FZD3: variants seen among roughly 807,000 people sequenced by gnomAD.
FZD3 encodes the protein frizzled class receptor 3.
In FZD3, 30 loss-of-function variants were observed where a neutral mutation model predicts 60.7. The observed-to-expected ratio is 0.49, with a 90% confidence interval of 0.37 to 0.67. The LOEUF (loss-of-function observed/expected upper bound fraction) is 0.67. FZD3 is among the 30% of genes least tolerant of loss of function. The pLI is 0.00. For missense variants in FZD3, 605 were observed against 838.7 expected (o/e 0.72, Z 3.44); for synonymous variants, 246 against 275.2 (o/e 0.89, Z 1.05).
intron 1 of FZD3, among the ~76,000 whole-genome samples, chr8:28,495,727 T>TA (rs111612160): frequency 3.3e-5 from 5 of 151,728 alleles, no homozygotes; most frequent in East Asian, 3.9e-4. Context: ...CCCACAAAGA[T>TA]AAAAAAAATT....
At chr8:28,524,839 C>T (rs1199928614) in intron 4 of FZD3, among the ~76,000 whole-genome samples, 1 of 152,162 alleles carries the variant, frequency 6.6e-6, no homozygotes, top group African/African-American at 2.4e-5. Flanking sequence ...GAAATCTGGC[C>T]TCGGTTTGTC....
chr8:28,513,633 G>A (rs1338205451), intron 3 of FZD3, among the ~76,000 whole-genome samples: 1 of 152,116 alleles, frequency 6.6e-6, no homozygotes, highest in Non-Finnish European at 1.5e-5. Flanking sequence ...TTTTTAAAAG[G>A]TGTCATTTTT....
Position 28,536,583 on chromosome 8 carries a change from C to T in FZD3, c.1404+8419C>T, listed in dbSNP as rs538866830. 4.6e-5 allele frequency among the ~76,000 whole-genome samples: 7 copies of T among 152,136 alleles called. No individual in the cohort carries two copies. The South Asian group carries it at 1.5e-3, about 32-fold the overall frequency. On this transcript the variant is annotated intron_variant, in intron 5 of 7. Transcript: ENST00000240093. ...ATTAGCCGGGCTGTGGTGGCACACG[C>T]CTATAATCCCAGCTACTCAGGAGGC...
At chr8:28,534,370 T>C (rs952757438) in intron 5 of FZD3, among the ~76,000 whole-genome samples, 3 of 152,302 alleles carry the variant, frequency 2.0e-5, no homozygotes, top group African/African-American at 7.2e-5. Context: ...CTTAGCAATA[T>C]GGTAAGACCC....
At chr8:28,549,693 G>A (rs1805368723) in intron 5 of FZD3, among the ~76,000 whole-genome samples, 1 of 152,026 alleles carries the variant, frequency 6.6e-6, no homozygotes, top group Non-Finnish European at 1.5e-5. Context: ...TAAGCATGAT[G>A]TTTGCTTTTG....
chr8:28,546,942 C>T (rs562039431), intron 5 of FZD3, among the ~76,000 whole-genome samples: 1 of 151,764 alleles, frequency 6.6e-6, no homozygotes, highest in Non-Finnish European at 1.5e-5. Flanking sequence ...TGCACTCCAG[C>T]CTGGGCGACA....
intron 2 of FZD3, among the ~76,000 whole-genome samples, chr8:28,502,149 G>T (rs1334365539): frequency 6.6e-6 from 1 of 152,082 alleles, no homozygotes; most frequent in Non-Finnish European, 1.5e-5. Context: ...AAGTTAAGTG[G>T]TATGTTTATA....
chr8:28,505,326 G>A (rs118063582), intron 3 of FZD3: 3,107 of 154,380 alleles, frequency 0.02, 63 homozygotes, highest in South Asian at 0.079. Flanking sequence ...CAGGCTTTAA[G>A]CCTGCCTAGA....
chr8:28,522,553 T>C, intron 4 of FZD3, among the ~76,000 whole-genome samples: 1 of 152,202 alleles, frequency 6.6e-6, no homozygotes, highest in East Asian at 1.9e-4. Flanking sequence ...AAAACAATTA[T>C]AAATTGCCTG....
At chr8:28,550,481 CTTTTTTTTTTTTTTT>C (rs386412443) in intron 5 of FZD3, among the ~76,000 whole-genome samples, 1 of 34,336 alleles carries the variant, frequency 2.9e-5, no homozygotes, top group Non-Finnish European at 4.7e-5. Flanking sequence ...CTTCTTTTAT[CTTTTTTTTTTTTTTT>C]TTTTTTTTTT....
intron 5 of FZD3, among the ~76,000 whole-genome samples, chr8:28,539,561 A>G (rs531662563): frequency 3.2e-4 from 49 of 152,310 alleles, no homozygotes; most frequent in Non-Finnish European, 6.3e-4. Flanking sequence ...AAAAGTGGGA[A>G]TCAGAAGACC....
At position 28,574,111 on chromosome 8, in the gene FZD3, A is replaced by T. The variant is rs1350872589; in HGVS notation, c.*11100A>T. 3 of 152,128 alleles carry T rather than the reference A, an allele frequency of 2.0e-5. No individual in the cohort carries two copies. The highest frequency in any genetic ancestry group is 4.4e-5 in the Non-Finnish European group (3 of 68,022). The allele number at this position is 152,128 out of a possible 1,614,324, so 9.4% of individuals were successfully genotyped here. On this transcript the variant is annotated 3_prime_UTR_variant, in exon 8 of 8. Transcript: ENST00000240093. ...TGTGCTTTGCACTCTGCTCTTGTAG[A>T]TTTATTTTGTTTACAGTAGACTGAT... is the stretch of plus-strand genomic sequence containing the variant.
At position 28,520,646 on chromosome 8, in the gene FZD3, C is replaced by T. The variant is rs1804553328; in HGVS notation, c.198C>T (p.His66=). 1 of 1,580,288 alleles carries T rather than the reference C, an allele frequency of 6.3e-7. No individual in the cohort carries two copies. The highest frequency in any genetic ancestry group is 8.6e-7 in the Non-Finnish European group (1 of 1,160,364). Residue 66 remains histidine (H), a synonymous_variant, in exon 4 of 8, where the codon CAC becomes CAT. Coordinates refer to ENST00000240093, the MANE Select transcript of FZD3 (RefSeq NM_017412.4). ...TTTTAACTTTTCCCTAGCCATTCCA[C>T]CCTATGGTGAATCTGGATTGTTCTC... is the stretch of plus-strand genomic sequence containing the variant. ...QTAALAMEPF[H]PMVNLDCSRD...
Position 28,569,813 on chromosome 8 carries a change from A to G in FZD3, c.*6802A>G, listed in dbSNP as rs967144550. 1.3e-5 allele frequency: 2 copies of G among 152,228 alleles called. No homozygotes were observed. Among genetic ancestry groups the G allele is most frequent in the Non-Finnish European group, 2.9e-5 (2 of 68,030 alleles). 9.4% of individuals were successfully genotyped at this position (152,228 alleles called of 1,614,324 possible). A position where few individuals can be genotyped will look rare whatever the true frequency, so the allele number is the denominator to read the frequency against. On this transcript the variant is annotated 3_prime_UTR_variant, in exon 8 of 8. Transcript: ENST00000240093. ...AAATTGATACATAGAAAAGAATGAC[A>G]TAACGTTTTGTGGTCTTTGTTCTCT...
chr8:28,515,572 G>A (rs1804403648), intron 3 of FZD3, among the ~76,000 whole-genome samples: 1 of 152,238 alleles, frequency 6.6e-6, no homozygotes, highest in African/African-American at 2.4e-5. Flanking sequence ...TGCATGTACA[G>A]TGTGTTTACT....
chr8:28,494,753 C>T (rs114354291), intron 1 of FZD3, among the ~76,000 whole-genome samples: 1 of 151,956 alleles, frequency 6.6e-6, no homozygotes, highest in East Asian at 1.9e-4. Context: ...AGACCCTGCG[C>T]GGCGGAGAGA....
chr8:28,521,752 C>A (rs967612574), intron 4 of FZD3, among the ~76,000 whole-genome samples: 1 of 152,156 alleles, frequency 6.6e-6, no homozygotes, highest in Non-Finnish European at 1.5e-5. Context: ...TACCTGTAAC[C>A]TGTAGGTCTA....
intron 1 of FZD3, among the ~76,000 whole-genome samples, chr8:28,496,399 T>C (rs1449186597): frequency 6.6e-6 from 1 of 152,212 alleles, no homozygotes; most frequent in Non-Finnish European, 1.5e-5. Flanking sequence ...ACCACTTCTT[T>C]GAGCGGTTTT....
chr8:28,494,683 C>T (rs1424049204), intron 1 of FZD3, among the ~76,000 whole-genome samples: 2 of 152,052 alleles, frequency 1.3e-5, no homozygotes, highest in African/African-American at 4.8e-5. Context: ...CCGCCCTGAG[C>T]CCGCGGCTCG....
Sources: allele counts gnomAD v4.1 joint callset (sites outside exome capture counted in the v4.1 genomes callset), GRCh38; gene constraint gnomAD v4.1.1; transcripts MANE v1.5; gene names NCBI Gene and HGNC (gene_info 2026-07-23, HGNC 2026-07-21).